SLX4IP: variants seen among roughly 807,000 people sequenced by gnomAD.
SLX4IP encodes SLX4 interacting protein.
A neutral mutation model predicts 32.9 loss-of-function variants in SLX4IP; 34 were observed. That is an observed-to-expected ratio of 1.03 (90% CI 0.79 to 1.38). The LOEUF is 1.38. Among genes scored for constraint, SLX4IP ranks in the 40% most tolerant of loss-of-function variants. The pLI is 0.00. For missense variants in SLX4IP, 444 were observed against 479.0 expected (o/e 0.93, Z 0.68); for synonymous variants, 172 against 171.7 (o/e 1.00, Z -0.01).
intron 4 of SLX4IP, among the ~76,000 whole-genome samples, chr20:10,576,378 TA>T (rs1240671635): frequency 1.3e-5 from 2 of 152,312 alleles, no homozygotes; most frequent in East Asian, 3.9e-4. Flanking sequence ...GCATGGTGAA[TA>T]ACTGTTCAGG....
Position 10,623,706 on chromosome 20 carries a change from G to T in SLX4IP, c.*327G>T. The T allele has an allele frequency of 3.0e-6, 1 of 330,230 alleles. No homozygotes were observed. The highest frequency in any genetic ancestry group is 5.6e-6 in the Non-Finnish European group (1 of 178,824). The allele number at this position is 330,230 out of a possible 1,614,324, so 20.5% of individuals were successfully genotyped here. On this transcript the variant is annotated 3_prime_UTR_variant, in exon 8 of 8. Coordinates refer to ENST00000334534, the MANE Select transcript of SLX4IP (RefSeq NM_001009608.3). Reference sequence around the variant, plus strand: ...AGAAACTGATCATGAGCCCCTTCTTGGCACATCACTGTGCAGACCACACAA... The same window carrying T: ...AGAAACTGATCATGAGCCCCTTCTTTGCACATCACTGTGCAGACCACACAA...
intron 2 of SLX4IP, among the ~76,000 whole-genome samples, chr20:10,501,517 TCTC>T (rs1199906435): frequency 6.6e-6 from 1 of 152,198 alleles, no homozygotes; most frequent in Non-Finnish European, 1.5e-5. Flanking sequence ...CCCACAGCAA[TCTC>T]CTTCCTTCAG....
At chr20:10,542,660 G>T (rs2066119710) in intron 2 of SLX4IP, among the ~76,000 whole-genome samples, 1 of 152,180 alleles carries the variant, frequency 6.6e-6, no homozygotes, top group Non-Finnish European at 1.5e-5. Flanking sequence ...CATTTACAGC[G>T]ATGGCACTCT....
chr20:10,589,792 A>G (rs767596196), intron 4 of SLX4IP, among the ~76,000 whole-genome samples: 265 of 134,674 alleles, frequency 2.0e-3, no homozygotes, highest in Non-Finnish European at 3.0e-3. Context: ...ATATATTTTG[A>G]GAAAAGACCT....
chr20:10,608,712 G>A (rs957977035), intron 6 of SLX4IP, among the ~76,000 whole-genome samples: 69 of 150,192 alleles, frequency 4.6e-4, no homozygotes, highest in African/African-American at 1.6e-3. Flanking sequence ...AAAGTCTAAG[G>A]CACTTATACA....
chr20:10,511,500 A>C (rs759249765), intron 2 of SLX4IP, among the ~76,000 whole-genome samples: 4 of 152,214 alleles, frequency 2.6e-5, no homozygotes, highest in Admixed American at 2.6e-4. Context: ...GCCTCCTTGA[A>C]ACCTACCTCC....
chr20:10,520,153 C>A (rs1037930707), intron 2 of SLX4IP, among the ~76,000 whole-genome samples: 1 of 151,984 alleles, frequency 6.6e-6, no homozygotes, highest in East Asian at 1.9e-4. Flanking sequence ...TGGGTTCAAG[C>A]GATTCTCCTG....
intron 2 of SLX4IP, among the ~76,000 whole-genome samples, chr20:10,469,484 A>G (rs534720738): frequency 1.3e-5 from 2 of 152,224 alleles, no homozygotes; most frequent in African/African-American, 2.4e-5. Flanking sequence ...TTTCAGTATA[A>G]TGGTTTTGAT....
intron 5 of SLX4IP, among the ~76,000 whole-genome samples, chr20:10,599,705 A>G (rs929733159): frequency 1.3e-5 from 2 of 152,062 alleles, no homozygotes; most frequent in Non-Finnish European, 2.9e-5. Context: ...CCTTAGATAT[A>G]CTGCTTTCTT....
intron 6 of SLX4IP, among the ~76,000 whole-genome samples, chr20:10,612,053 T>C (rs1021498928): frequency 2.6e-5 from 4 of 152,144 alleles, no homozygotes; most frequent in Admixed American, 6.5e-5. Flanking sequence ...ATAGTGACAA[T>C]ACCTGCCCTG....
At chr20:10,494,979 T>G (rs1358962391) in intron 2 of SLX4IP, among the ~76,000 whole-genome samples, 1 of 152,182 alleles carries the variant, frequency 6.6e-6, no homozygotes, top group East Asian at 1.9e-4. Flanking sequence ...AGACTAAATT[T>G]CAAATGTCTC....
chr20:10,451,748 C>T (rs1338200083), intron 1 of SLX4IP, among the ~76,000 whole-genome samples: 1 of 151,478 alleles, frequency 6.6e-6, no homozygotes, highest in Non-Finnish European at 1.5e-5. Flanking sequence ...GCGGGTGAAT[C>T]ATGAGGTCAG....
In SLX4IP at chr20:10,565,449, C is replaced by T. The variant is rs934323954; in HGVS notation, c.238+4629C>T. Among the ~76,000 whole-genome samples, 9 of 152,072 alleles carry T rather than the reference C, an allele frequency of 5.9e-5. No individual in the cohort carries two copies. The East Asian group carries it at 1.4e-3, about 23-fold the overall frequency. ...TAGGACCACGTATCAGAAGCTTTGC[C>T]GAGCCTCATCCTCTGCCCCACCCTG... On this transcript the variant is annotated intron_variant, in intron 4 of 7. Transcript: ENST00000334534.
At chr20:10,446,401 G>A (rs892185629) in intron 1 of SLX4IP, among the ~76,000 whole-genome samples, 5 of 129,264 alleles carry the variant, frequency 3.9e-5, no homozygotes, top group East Asian at 2.1e-4. Context: ...AACAGAGTGC[G>A]ACTCTGTCTC....
chr20:10,583,661 G>A (rs1032896455), intron 4 of SLX4IP, among the ~76,000 whole-genome samples: 1 of 152,116 alleles, frequency 6.6e-6, no homozygotes, highest in African/African-American at 2.4e-5. Flanking sequence ...GGTATGTGGG[G>A]TGTGTTTTCT....
rs1345645115 is a variant in SLX4IP, at chr20:10,582,453, A to G, written c.239-16222A>G. ...CTCAGCTTTCAGATTTCCCCAATTCAGCTTTCAGAGATTAGCCCTGTTTAG... is the reference window on the plus strand; with the variant it reads ...CTCAGCTTTCAGATTTCCCCAATTCGGCTTTCAGAGATTAGCCCTGTTTAG... On this transcript the variant is annotated intron_variant, in intron 4 of 7. Transcript: ENST00000334534. Among the ~76,000 whole-genome samples the G allele has an allele frequency of 3.3e-5, 5 of 152,268 alleles. No individual in the cohort carries two copies. The South Asian group carries it at 6.2e-4, about 19-fold the overall frequency.
intron 2 of SLX4IP, among the ~76,000 whole-genome samples, chr20:10,479,932 C>A (rs571407355): frequency 6.6e-6 from 1 of 151,852 alleles, no homozygotes; most frequent in Admixed American, 6.6e-5. Flanking sequence ...TGAACCAGGG[C>A]GTCAGAGGTT....
chr20:10,570,063 A>G (rs2066444356), intron 4 of SLX4IP, among the ~76,000 whole-genome samples: 2 of 152,188 alleles, frequency 1.3e-5, no homozygotes, highest in South Asian at 4.1e-4. Flanking sequence ...TAATCAATTA[A>G]CTGGTAAGCC....
chr20:10,462,817 A>C (rs1289222827), intron 2 of SLX4IP, among the ~76,000 whole-genome samples: 1 of 152,218 alleles, frequency 6.6e-6, no homozygotes, highest in East Asian at 1.9e-4. Flanking sequence ...TTTCTTCCCC[A>C]TCATGGAGGG....
Sources: gnomAD v4.1 joint callset for allele counts (sites outside exome capture counted in the v4.1 genomes callset) on GRCh38, gnomAD v4.1.1 for gene constraint, MANE v1.5 for transcripts, NCBI Gene and HGNC (gene_info 2026-07-23, HGNC 2026-07-21) for gene names.